The following TAS2R14 variants were observed in gnomAD, a reference collection of about 807,000 sequenced individuals.
TAS2R14 encodes taste receptor type 2 member 14.
For missense variants in TAS2R14, 383 were observed against 372.0 expected, an observed-to-expected ratio of 1.03 and a Z score of -0.24; for synonymous variants, 131 against 131.0, an observed-to-expected ratio of 1.00 and a Z score of 0.00.
exon 1 of TAS2R14, chr12:10,938,504 G>A: frequency 6.2e-7 from 1 of 1,614,064 alleles, no homozygotes; most frequent in Non-Finnish European, 8.5e-7. Flanking sequence ...TAGGAAGAAA[G>A]TGATCACACT....
At position 10,938,188 on chromosome 12, in the gene TAS2R14, C is replaced by T. The variant is rs1950321122; in HGVS notation, c.*66G>A. 3 of 1,094,172 alleles carry T rather than the reference C, an allele frequency of 2.7e-6. No homozygotes were observed. In the African/African-American group the frequency reaches 4.8e-5, roughly 18 times the overall value. The allele number at this position is 1,094,172 out of a possible 1,614,324, so 67.8% of individuals were successfully genotyped here. A position where few individuals can be genotyped will look rare whatever the true frequency, so the allele number is the denominator to read the frequency against. On this transcript the variant is annotated 3_prime_UTR_variant, in exon 1 of 1. Coordinates refer to ENST00000537503, the Ensembl canonical transcript of TAS2R14. ...ACAAAGTTATACACAATGAAAGAAT[C>T]TTAAGGAAGTATAAATTTATATAAC...
exon 1 of TAS2R14, chr12:10,938,586 G>T (rs949339214): frequency 9.3e-6 from 15 of 1,613,964 alleles, no homozygotes; most frequent in Non-Finnish European, 1.2e-5. Context: ...TTCTTGCGAT[G>T]TTTCCACATG....
rs767155898 is a variant in TAS2R14 at position 10,938,629 on chromosome 12, C to A, written c.579G>T (p.Leu193Phe). ...TGAGGAGAAGAAACATTGCCAGGGACAAAGTAAAGGGTATGAAAATGAACA... is the reference window on the plus strand; with the variant it reads ...TGAGGAGAAGAAACATTGCCAGGGAAAAAGTAAAGGGTATGAAAATGAACA... Residue 193 changes from leucine (L) to phenylalanine (F), a missense_variant, in exon 1 of 1, where the codon TTG becomes TTT. By Grantham distance (22) the Leu-to-Phe change is conservative (BLOSUM62 0). Coordinates refer to ENST00000537503, the Ensembl canonical transcript of TAS2R14. 7.4e-6 allele frequency: 12 copies of A among 1,613,604 alleles called. No homozygotes were observed. The Admixed American group carries it at 2.0e-4, about 27-fold the overall frequency.
At chr12:10,939,077 A>T (rs758851678) in exon 1 of TAS2R14, 4 of 1,614,022 alleles carry the variant, frequency 2.5e-6, no homozygotes, top group Non-Finnish European at 3.4e-6. Context: ...GATCCGATCA[A>T]CCGAAGAGAT....
chr12:10,938,428 A>G (rs774246752), exon 1 of TAS2R14: 1 of 1,614,000 alleles, frequency 6.2e-7, no homozygotes, highest in African/African-American at 1.3e-5. Flanking sequence ...GAATAATTAG[A>G]TTTTCCTCCA....
chr12:10,938,043 G>A (rs1453406803), exon 1 of TAS2R14: 4 of 438,486 alleles, frequency 9.1e-6, no homozygotes, highest in African/African-American at 4.1e-5. Context: ...TTATCTGTTT[G>A]TATAAGAACT....
rs776159202 is a variant in TAS2R14 at position 10,938,838 on chromosome 12, A to G, written c.370T>C (p.Trp124Arg). 1 of 1,613,656 alleles carries G rather than the reference A, an allele frequency of 6.2e-7. No individual in the cohort carries two copies. Among genetic ancestry groups the G allele is most frequent in the Non-Finnish European group, 8.5e-7 (1 of 1,179,944 alleles). The change falls in exon 1 of 1, where the codon TGG becomes CGG. Residue 124 changes from tryptophan (W) to arginine (R), a missense_variant. By Grantham distance (101) the Trp-to-Arg change is moderately radical. Transcript: ENST00000537503. The stretch of plus-strand genomic sequence containing the variant: ...ACCAAAACCACCTTTTTAACCCTCC[A>G]CTTTAGGTAGAGAAAAATAGAGTTA...
exon 1 of TAS2R14, chr12:10,938,381 T>A (rs757978325): frequency 3.7e-6 from 6 of 1,613,824 alleles, no homozygotes; most frequent in South Asian, 3.3e-5. Context: ...AACACATGAG[T>A]GACATGAAGG....
At position 10,938,477 on chromosome 12, in the gene TAS2R14, G is replaced by C. The variant is rs1950329178; in HGVS notation, c.731C>G (p.Ser244Cys). The stretch of plus-strand genomic sequence containing the variant: ...CCAAACTGATATGAAAAAAGACAGA[G>C]AGAAAATGGCATAGAGTAGGAAGAA... Residue 244 changes from serine to cysteine, a missense_variant, in exon 1 of 1, where the codon TCT becomes TGT. By Grantham distance (112) the Ser-to-Cys change is moderately radical. Coordinates refer to ENST00000537503, the Ensembl canonical transcript of TAS2R14. 5 of 1,614,020 alleles carry C rather than the reference G, an allele frequency of 3.1e-6. No homozygotes were observed. The East Asian group carries it at 8.9e-5, about 29-fold the overall frequency.
chr12:10,938,237 T>C lies in TAS2R14; in HGVS notation c.*17A>G, dbSNP rs530614429. The C allele has an allele frequency of 4.3e-5, 64 of 1,483,282 alleles. 1 individual carries two copies. In the South Asian group the frequency reaches 8.2e-4, roughly 19 times the overall value. The allele number at this position is 1,483,282 out of a possible 1,614,324, so 91.9% of individuals were successfully genotyped here. A position where few individuals can be genotyped will look rare whatever the true frequency, so the allele number is the denominator to read the frequency against. ...ACATACAAGAATTTCTTAGGAGCTA[T>C]TTTTTTTCTAATATATTCAAGATGA... On this transcript the variant is annotated 3_prime_UTR_variant, in exon 1 of 1. Coordinates refer to ENST00000537503, the Ensembl canonical transcript of TAS2R14.
exon 1 of TAS2R14, chr12:10,938,806 A>C (rs2135886749): frequency 6.2e-7 from 1 of 1,613,460 alleles, no homozygotes; most frequent in Admixed American, 1.7e-5. Context: ...AAGTCACAAG[A>C]AGCAGCACCA....
At chr12:10,939,041 A>C (rs761725125) in exon 1 of TAS2R14, 2 of 1,613,964 alleles carry the variant, frequency 1.2e-6, no homozygotes, top group Admixed American at 3.3e-5. Context: ...AACCAGGCTA[A>C]TTCGAGAGAT....
exon 1 of TAS2R14, chr12:10,938,064 T>C: frequency 2.0e-6 from 1 of 492,470 alleles, no homozygotes; most frequent in Non-Finnish European, 3.6e-6. Flanking sequence ...CTTTATAGTA[T>C]TCGCATTCTT....
At chr12:10,939,084 A>G in exon 1 of TAS2R14, 2 of 1,614,010 alleles carry the variant, frequency 1.2e-6, no homozygotes, top group Non-Finnish European at 1.7e-6. Flanking sequence ...TCAACCGAAG[A>G]GATCTTTCTT....
At chr12:10,938,398 C>G (rs1284936462) in exon 1 of TAS2R14, 1 of 1,614,070 alleles carries the variant, frequency 6.2e-7, no homozygotes, top group African/African-American at 1.3e-5. Flanking sequence ...AAGGATAAGC[C>G]ATTCCCATCA....
chr12:10,938,857 A>T, exon 1 of TAS2R14: 1 of 1,613,654 alleles, frequency 6.2e-7, no homozygotes, highest in Non-Finnish European at 8.5e-7. Context: ...AGAGAAAAAT[A>T]GAGTTAGAAA....
exon 1 of TAS2R14, chr12:10,939,131 A>C: frequency 6.2e-7 from 1 of 1,603,622 alleles, no homozygotes; most frequent in Middle Eastern, 1.7e-4. Flanking sequence ...CAGTGCTATG[A>C]AACTATTTCC....
At chr12:10,939,000 C>G (rs755204232) in exon 1 of TAS2R14, 3 of 1,613,550 alleles carry the variant, frequency 1.9e-6, no homozygotes, top group Non-Finnish European at 2.5e-6. Flanking sequence ...GGGAAAAACA[C>G]AGACACACAC....
chr12:10,938,280 G>T, exon 1 of TAS2R14: 1 of 1,601,066 alleles, frequency 6.2e-7, no homozygotes. Context: ...AATTCTTTGT[G>T]ACCTGAGGGC....
Sources: gnomAD v4.1 joint callset for allele counts on GRCh38, gnomAD v4.1.1 for gene constraint, MANE v1.5 for transcripts, NCBI Gene and HGNC (gene_info 2026-07-23, HGNC 2026-07-21) for gene names.